The following ADAMTS12 variants were observed in gnomAD, a reference collection of about 807,000 sequenced individuals.
ADAMTS12 encodes A disintegrin and metalloproteinase with thrombospondin motifs 12.
ADAMTS12 carries 118 observed loss-of-function variants against 167.8 expected under a neutral mutation model. The observed-to-expected ratio is 0.70, with a 90% CI of 0.61 to 0.82. The LOEUF (loss-of-function observed/expected upper bound fraction) is 0.82. Among genes scored for constraint, ADAMTS12 ranks in the 40% least tolerant of loss-of-function variants. The pLI, the probability that ADAMTS12 is intolerant of heterozygous loss-of-function variation, is 0.00. For missense variants in ADAMTS12, 1,916 were observed against 1,998.8 expected, an observed-to-expected ratio of 0.96 and a Z score of 0.79; for synonymous variants, 704 against 716.9, an observed-to-expected ratio of 0.98 and a Z score of 0.29.
chr5:33,848,191 TG>T (rs1435712262), intron 2 of ADAMTS12, among the ~76,000 whole-genome samples: 1 of 151,114 alleles, frequency 6.6e-6, no homozygotes, highest in African/African-American at 2.4e-5. Flanking sequence ...CACTCCAGCC[TG>T]GGTAACAGAG....
intron 3 of ADAMTS12, among the ~76,000 whole-genome samples, chr5:33,694,841 C>T (rs1742695772): frequency 6.6e-6 from 1 of 152,172 alleles, no homozygotes; most frequent in African/African-American, 2.4e-5. Context: ...TCTGGATTAT[C>T]TTGAGCTAAG....
chr5:33,740,977 G>C (rs1048063196), intron 3 of ADAMTS12, among the ~76,000 whole-genome samples: 8 of 152,162 alleles, frequency 5.3e-5, no homozygotes, highest in African/African-American at 1.9e-4. Context: ...ATTTCAAGAC[G>C]CTACCTCAAA....
chr5:33,541,183 C>T (rs542998187), intron 22 of ADAMTS12, among the ~76,000 whole-genome samples: 26 of 152,192 alleles, frequency 1.7e-4, no homozygotes, highest in Admixed American at 3.9e-4. Flanking sequence ...AACTTCGTGA[C>T]GCATGCATAA....
chr5:33,600,373 AATGTTCCTTACG>A (rs1738129511), intron 16 of ADAMTS12, among the ~76,000 whole-genome samples: 1 of 152,170 alleles, frequency 6.6e-6, no homozygotes, highest in Admixed American at 6.5e-5. Context: ...AGGAACAAGC[AATGTTCCTTACG>A]TCTAAAAGAA....
chr5:33,546,228 G>C, intron 21 of ADAMTS12, 26 bp from the exon 22 acceptor site: 1 of 1,592,048 alleles, frequency 6.3e-7, no homozygotes, highest in South Asian at 1.1e-5. Context: ...GACAAGATTA[G>C]GTAAAAGTCA....
intron 7 of ADAMTS12, among the ~76,000 whole-genome samples, chr5:33,657,263 G>GA (rs1452737841): frequency 6.6e-6 from 1 of 152,158 alleles, no homozygotes; most frequent in African/African-American, 2.4e-5. Flanking sequence ...AGTCTCCAGT[G>GA]TTTTTTCCAA....
At chr5:33,691,288 T>C (rs1742539031) in intron 3 of ADAMTS12, among the ~76,000 whole-genome samples, 1 of 152,210 alleles carries the variant, frequency 6.6e-6, no homozygotes. Flanking sequence ...TCCCAGTTTG[T>C]TTTCAGAGCT....
intron 13 of ADAMTS12, among the ~76,000 whole-genome samples, chr5:33,630,071 C>T (rs1739849522): frequency 6.6e-6 from 1 of 152,152 alleles, no homozygotes; most frequent in African/African-American, 2.4e-5. Flanking sequence ...TATTCTAAAA[C>T]CCCAGTGCTA....
chr5:33,764,212 C>G (rs1477852577), intron 2 of ADAMTS12, among the ~76,000 whole-genome samples: 1 of 152,182 alleles, frequency 6.6e-6, no homozygotes, highest in Non-Finnish European at 1.5e-5. Flanking sequence ...TGATTGCTAA[C>G]CTACTTTAAT....
At chr5:33,883,324 T>C (rs1250078143) in intron 1 of ADAMTS12, among the ~76,000 whole-genome samples, 1 of 113,348 alleles carries the variant, frequency 8.8e-6, no homozygotes, top group African/African-American at 3.2e-5. Context: ...TGGTTTTTTT[T>C]TTGTTTTTTT....
intron 2 of ADAMTS12, among the ~76,000 whole-genome samples, chr5:33,844,404 A>G (rs1268219313): frequency 6.6e-6 from 1 of 152,216 alleles, no homozygotes; most frequent in Non-Finnish European, 1.5e-5. Context: ...CCTGAGAAAG[A>G]GAATGCGCCC....
intron 2 of ADAMTS12, among the ~76,000 whole-genome samples, chr5:33,801,126 T>C (rs573141495): frequency 2.0e-5 from 3 of 152,320 alleles, no homozygotes; most frequent in South Asian, 2.1e-4. Context: ...AATTCCCCCA[T>C]AGAGTCTCCA....
intron 16 of ADAMTS12, among the ~76,000 whole-genome samples, chr5:33,611,984 G>A (rs1230859010): frequency 6.6e-6 from 1 of 152,202 alleles, no homozygotes. Context: ...TACTTTTACA[G>A]TGTAGAAAGT....
At chr5:33,618,013 T>A (rs767297072) in intron 14 of ADAMTS12, among the ~76,000 whole-genome samples, 53 of 152,222 alleles carry the variant, frequency 3.5e-4, no homozygotes, top group Non-Finnish European at 7.3e-5. Flanking sequence ...CCTACGCAAG[T>A]AAAAATATTT....
intron 2 of ADAMTS12, among the ~76,000 whole-genome samples, chr5:33,846,123 G>A (rs374657969): frequency 6.6e-6 from 1 of 152,272 alleles, no homozygotes; most frequent in African/African-American, 2.4e-5. Flanking sequence ...ATAAGCCAAC[G>A]TCAGACAAAC....
At chr5:33,724,545 C>CTTTTTT (rs763501455) in intron 3 of ADAMTS12, among the ~76,000 whole-genome samples, 1 of 132,758 alleles carries the variant, frequency 7.5e-6, no homozygotes, top group African/African-American at 2.8e-5. Flanking sequence ...CTAACAGCTT[C>CTTTTTT]TTTTTTTTTT....
At chr5:33,677,760 T>C (rs563978851) in intron 5 of ADAMTS12, among the ~76,000 whole-genome samples, 1 of 152,330 alleles carries the variant, frequency 6.6e-6, no homozygotes, top group Non-Finnish European at 1.5e-5. Flanking sequence ...TCTTAATATG[T>C]TTGACACGTC....
In ADAMTS12 at chr5:33,813,483, TGGA is replaced by T. The variant is rs571284306; in HGVS notation, c.490-61938_490-61936del. Among the ~76,000 whole-genome samples, 4 of 152,298 alleles carry T rather than the reference TGGA, an allele frequency of 2.6e-5. No individual in the cohort carries two copies. In the South Asian group the frequency reaches 8.3e-4, roughly 32 times the overall value. ...GCCATTCCCCATACACTCTGAGTGG[TGGA>T]GTAGATTTCTCCACCCCGCTGAATC... is the stretch of plus-strand genomic sequence containing the variant. On this transcript the variant is annotated intron_variant, in intron 2 of 23. Transcript: ENST00000504830.
chr5:33,528,072 TATTACTCAACCAGAAAAAAA>T (rs1371981110), intron 23 of ADAMTS12, among the ~76,000 whole-genome samples: 1 of 146,736 alleles, frequency 6.8e-6, no homozygotes, highest in Non-Finnish European at 1.5e-5. Flanking sequence ...CCCCAGGAAA[TATTACTCAACCAGAAAAAAA>T]AAAAAAAGGA....
Sources: gnomAD v4.1 joint callset for allele counts (sites outside exome capture counted in the v4.1 genomes callset) on GRCh38, gnomAD v4.1.1 for gene constraint, MANE v1.5 for transcripts, NCBI Gene and HGNC (gene_info 2026-07-23, HGNC 2026-07-21) for gene names.